FBN1: variants seen among roughly 807,000 people sequenced by gnomAD.
FBN1 encodes the protein fibrillin 1, also known as fibrillin-1.
Under a neutral mutation model 365.1 loss-of-function variants are expected in FBN1, and 29 were observed. That is an observed-to-expected ratio of 0.08 (90% confidence interval 0.06 to 0.11). FBN1 has a LOEUF of 0.11. Among genes scored for constraint, FBN1 ranks in the 10% least tolerant of loss-of-function variants. The pLI, the probability that FBN1 is intolerant of heterozygous loss-of-function variation, is 1.00. For synonymous variants in FBN1, 1,210 were observed against 1,270.5 expected, an observed-to-expected ratio of 0.95 and a Z score of 1.01; for missense variants, 2,476 against 3,703.2, an observed-to-expected ratio of 0.67 and a Z score of 8.60.
chr15:48,542,947 G>A (rs1265424012), intron 6 of FBN1, among the ~76,000 whole-genome samples: 1 of 152,016 alleles, frequency 6.6e-6, no homozygotes, highest in Non-Finnish European at 1.5e-5. Context: ...AGGAACATAA[G>A]CCAGCCCATA....
Position 48,520,673 on chromosome 15 carries a change from G to A in FBN1, c.1133C>T (p.Pro378Leu). 6.2e-7 allele frequency: 1 copy of A among 1,614,064 alleles called. No homozygotes were observed. The highest frequency in any genetic ancestry group is 1.3e-5 in the African/African-American group (1 of 75,010). ...AGGGCTCTTACCGGTTGCTCTGATG[G>A]GACACATCTCAGGGGCGACAGTGAC... ...PGVTVAPEMC[P>L]IRATEDFNKL... Residue 378 changes from proline to leucine, a missense_variant, in exon 10 of 66, where the codon CCC becomes CTC. By Grantham distance (98) the Pro-to-Leu change is moderately conservative. This residue lies in a region of FBN1 where 421 missense variants were observed against 520.1 expected (regional missense o/e 0.81). Coordinates refer to ENST00000316623, the MANE Select transcript of FBN1 (RefSeq NM_000138.5).
At chr15:48,536,816 A>G (rs147642081) in intron 7 of FBN1, among the ~76,000 whole-genome samples, 30 of 152,360 alleles carry the variant, frequency 2.0e-4, no homozygotes, top group African/African-American at 7.2e-4. Context: ...AAACAACGCC[A>G]AAGTATTATC....
intron 50 of FBN1, among the ~76,000 whole-genome samples, 184 bp downstream of exon 50, chr15:48,441,537 T>C (rs919252976): frequency 4.6e-5 from 7 of 152,170 alleles, no homozygotes; most frequent in South Asian, 2.1e-4. Flanking sequence ...ACTTGATGGA[T>C]GAGTTTTTAA....
chr15:48,463,970 T>C lies in FBN1; in HGVS notation c.4994A>G (p.Asn1665Ser). ...GATACAGGTGTAGTTGCCAACGGTG[T>C]TGTAACATGTCCCTGGACCACAGAT... Reference protein sequence around the residue: ...PGICGPGTCYNTVGNYTCICP... With the variant: ...PGICGPGTCYSTVGNYTCICP... Residue 1665 changes from asparagine to serine, a missense_variant, in exon 41 of 66, where the codon AAC (asparagine) becomes AGC (serine). Coordinates refer to ENST00000316623, the MANE Select transcript of FBN1 (RefSeq NM_000138.5). The C allele has an allele frequency of 6.2e-7, 1 of 1,613,882 alleles. No homozygotes were observed. Among genetic ancestry groups the C allele is most frequent in the African/African-American group, 1.3e-5 (1 of 75,040 alleles).
chr15:48,491,882 T>C (rs1210511071), intron 24 of FBN1, among the ~76,000 whole-genome samples: 1 of 152,160 alleles, frequency 6.6e-6, no homozygotes, highest in Non-Finnish European at 1.5e-5. Flanking sequence ...CACGAGCCCA[T>C]AGGGACTTAG....
intron 22 of FBN1, 151 bp downstream of exon 22, chr15:48,494,972 C>T: frequency 1.2e-6 from 1 of 868,372 alleles, no homozygotes. Context: ...TTTGACACTT[C>T]TTATTTCCCA....
Position 48,573,470 on chromosome 15 carries a change from A to T in FBN1, c.538+22813T>A, listed in dbSNP as rs1055497042. 5.8e-4 allele frequency among the ~76,000 whole-genome samples: 88 copies of T among 152,246 alleles called. 1 individual carries two copies. The highest frequency in any genetic ancestry group is 2.1e-3 in the African/African-American group (86 of 41,468). On this transcript the variant is annotated intron_variant, in intron 6 of 65. Transcript: ENST00000316623. ...TATAGTGTTATAAAAATAAAAAAGG[A>T]CAATGGCTAAATTTTAAAATAACAA...
At chr15:48,490,348 C>T (rs1323681602) in intron 24 of FBN1, among the ~76,000 whole-genome samples, 1 of 152,180 alleles carries the variant, frequency 6.6e-6, no homozygotes, top group African/African-American at 2.4e-5. Flanking sequence ...GAATGGTATT[C>T]TGAGAGATCC....
intron 4 of FBN1, 113 bp downstream of exon 4, chr15:48,610,615 T>C (rs1323548763): frequency 1.3e-6 from 1 of 784,752 alleles, no homozygotes; most frequent in African/African-American, 1.7e-5. Flanking sequence ...AGAAGGCAGA[T>C]GTTCTAGTGA....
At chr15:48,452,985 G>A (rs926883910) in intron 44 of FBN1, among the ~76,000 whole-genome samples, 11 of 152,096 alleles carry the variant, frequency 7.2e-5, no homozygotes, top group South Asian at 2.1e-4. Flanking sequence ...GGCCAGGTGC[G>A]GTTGCTCACA....
intron 6 of FBN1, among the ~76,000 whole-genome samples, chr15:48,547,125 C>G (rs1389248877): frequency 6.6e-6 from 1 of 151,850 alleles, no homozygotes; most frequent in Non-Finnish European, 1.5e-5. Context: ...GTAATTATAC[C>G]CTGACTTGTG....
rs141963531 is a variant in FBN1 at position 48,597,265 on chromosome 15, C to T, written c.443-887G>A. 9.8e-5 allele frequency among the ~76,000 whole-genome samples: 15 copies of T among 152,334 alleles called. No homozygotes were observed. The East Asian group carries it at 2.9e-3, about 29-fold the overall frequency. On this transcript the variant is annotated intron_variant, in intron 5 of 65. Transcript: ENST00000316623. ...TACTTTCCCTCAAGAGAATCTCCTG[C>T]AAGTTTAGCTGGCAGACCACTTCCA...
At chr15:48,429,282 T>C (rs924017918) in intron 56 of FBN1, among the ~76,000 whole-genome samples, 1 of 152,236 alleles carries the variant, frequency 6.6e-6, no homozygotes, top group African/African-American at 2.4e-5. Context: ...GGAGTTTGTC[T>C]AGATTAATCT....
intron 50 of FBN1, among the ~76,000 whole-genome samples, chr15:48,440,398 C>T (rs576582937): frequency 2.6e-5 from 4 of 152,266 alleles, no homozygotes; most frequent in Admixed American, 6.5e-5. Flanking sequence ...CCTGCCACAT[C>T]GGCAGATTCA....
chr15:48,488,383 C>T lies in FBN1; in HGVS notation c.3193G>A (p.Glu1065Lys). 2 of 1,614,228 alleles carry T rather than the reference C, an allele frequency of 1.2e-6. No homozygotes were observed. Among genetic ancestry groups the T allele is most frequent in the Non-Finnish European group, 1.7e-6 (2 of 1,180,046 alleles). The change falls in exon 26 of 66, where the codon GAA becomes AAA. Residue 1065 changes from glutamate to lysine, a missense_variant. Physicochemically the swap from Glu to Lys is moderately conservative, Grantham distance 56. Transcript: ENST00000316623. ...CDSGFALDSEERNCTDIDECR... is the reference protein window; with the variant it reads ...CDSGFALDSEKRNCTDIDECR... ...ATTAACTGACCTGTGCAGTTCCTTT[C>T]TTCAGAATCAAGAGCAAAGCCGCTG... is the stretch of plus-strand genomic sequence containing the variant.
intron 42 of FBN1, among the ~76,000 whole-genome samples, chr15:48,461,251 G>T (rs1368066506): frequency 6.6e-6 from 1 of 152,104 alleles, no homozygotes. Flanking sequence ...GAAAAGCCAT[G>T]ACTGAATTTG....
At chr15:48,419,108 G>A (rs890415373) in intron 63 of FBN1, among the ~76,000 whole-genome samples, 15 of 152,248 alleles carry the variant, frequency 9.9e-5, no homozygotes, top group Middle Eastern at 3.4e-3. Flanking sequence ...TTTAGCCCAC[G>A]GCAATGCTCA....
Position 48,463,085 on chromosome 15 carries a change from T to C in FBN1, c.5221A>G (p.Thr1741Ala). The change falls in exon 42 of 66, where the codon ACA (threonine) becomes GCA (alanine). Residue 1741 changes from threonine (T) to alanine (A), a missense_variant. Transcript: ENST00000316623. ...KPCEQCPIPS[T>A]DEFATLCGSQ... is the part of the protein sequence containing the mutation. Reference sequence around the variant, plus strand: ...TAATGGAGAAACTAAAACTCACCTGTACTTGGGATGGGACACTGTTCACAG... The same window carrying C: ...TAATGGAGAAACTAAAACTCACCTGCACTTGGGATGGGACACTGTTCACAG... The C allele has an allele frequency of 6.2e-7, 1 of 1,613,924 alleles. No homozygotes were observed. Among genetic ancestry groups the C allele is most frequent in the Non-Finnish European group, 8.5e-7 (1 of 1,179,774 alleles).
rs748201038 is a variant in FBN1, at chr15:48,468,118, A to C, written c.4583-16T>G. On this transcript the variant is annotated splice_polypyrimidine_tract_variant and intron_variant, in intron 37 of 65. Transcript: ENST00000316623. The stretch of plus-strand genomic sequence containing the variant: ...GAGCGGGTATCTATTTACCATATAC[A>C]AACACAAAAGCATCAGGCAGAATCT... 3.1e-6 allele frequency: 5 copies of C among 1,613,872 alleles called. No homozygotes were observed. The highest frequency in any genetic ancestry group is 4.2e-6 in the Non-Finnish European group (5 of 1,179,988).
Sources: allele counts gnomAD v4.1 joint callset (sites outside exome capture counted in the v4.1 genomes callset), GRCh38; gene constraint gnomAD v4.1.1; regional missense constraint gnomAD v4.1.1; transcripts MANE v1.5; gene names NCBI Gene and HGNC (gene_info 2026-07-23, HGNC 2026-07-21).